Variants in EVI5 observed in about 807,000 individuals in gnomAD.
The protein encoded by EVI5 is ecotropic viral integration site 5, also known as ecotropic viral integration site 5 protein homolog.
In EVI5, 73 loss-of-function variants were observed where a neutral mutation model predicts 112.0. That is an observed-to-expected ratio of 0.65 (90% CI 0.54 to 0.79). The LOEUF is 0.79. Ranked by LOEUF, EVI5 falls within the 30% of genes least tolerant of loss-of-function variation. The pLI, the probability that EVI5 is intolerant of heterozygous loss-of-function variation, is 0.00. For synonymous variants in EVI5, 305 were observed against 319.9 expected, an observed-to-expected ratio of 0.95 and a Z score of 0.50; for missense variants, 900 against 968.8, an observed-to-expected ratio of 0.93 and a Z score of 0.94.
chr1:92,610,451 T>C (rs556769125), intron 16 of EVI5, among the ~76,000 whole-genome samples: 1 of 152,184 alleles, frequency 6.6e-6, no homozygotes, highest in East Asian at 1.9e-4. Context: ...GAACTGACCA[T>C]GAGTGAGAGA....
chr1:92,728,794 G>C (rs567200183), intron 2 of EVI5, among the ~76,000 whole-genome samples: 1 of 152,172 alleles, frequency 6.6e-6, no homozygotes, highest in South Asian at 2.1e-4. Context: ...ATTCTGAGCA[G>C]CACGATGAAA....
chr1:92,710,347 C>T (rs1200383826), intron 2 of EVI5, among the ~76,000 whole-genome samples: 3 of 151,330 alleles, frequency 2.0e-5, no homozygotes, highest in South Asian at 2.1e-4. Flanking sequence ...GATCCTGTCT[C>T]GAAAAAAAAG....
intron 5 of EVI5, among the ~76,000 whole-genome samples, chr1:92,699,764 A>G (rs549472105): frequency 2.0e-4 from 30 of 152,302 alleles, no homozygotes; most frequent in Admixed American, 5.9e-4. Flanking sequence ...ACATAGAAAA[A>G]GCAAAGTAAA....
intron 14 of EVI5, among the ~76,000 whole-genome samples, chr1:92,628,441 A>G (rs911333580): frequency 2.5e-4 from 38 of 152,220 alleles, no homozygotes; most frequent in African/African-American, 8.7e-4. Context: ...GTTATCTTCT[A>G]GAATTTTTAT....
chr1:92,529,377 T>C (rs1662457445), intron 19 of EVI5, among the ~76,000 whole-genome samples: 1 of 152,246 alleles, frequency 6.6e-6, no homozygotes, highest in Non-Finnish European at 1.5e-5. Context: ...TTAGCAGTGA[T>C]TCTTTTAACT....
intron 18 of EVI5, among the ~76,000 whole-genome samples, chr1:92,564,192 G>A (rs1357230532): frequency 6.6e-6 from 1 of 152,032 alleles, no homozygotes; most frequent in Non-Finnish European, 1.5e-5. Flanking sequence ...CTTAATAAAG[G>A]TTGTTTATAA....
chr1:92,539,177 T>C (rs1664366133), intron 19 of EVI5, among the ~76,000 whole-genome samples: 2 of 152,130 alleles, frequency 1.3e-5, no homozygotes, highest in Admixed American at 1.3e-4. Context: ...TCCCCCAATA[T>C]CTCCCACAAG....
chr1:92,671,562 T>A (rs187387076), intron 10 of EVI5, among the ~76,000 whole-genome samples: 262 of 152,290 alleles, frequency 1.7e-3, no homozygotes, highest in African/African-American at 6.0e-3. Flanking sequence ...AGAAGCTAAC[T>A]GGACATCTCC....
intron 19 of EVI5, among the ~76,000 whole-genome samples, chr1:92,560,595 G>T (rs899577417): frequency 6.6e-6 from 1 of 151,974 alleles, no homozygotes; most frequent in Non-Finnish European, 1.5e-5. Flanking sequence ...TGACACCCAG[G>T]CTGGAGTGCA....
intron 18 of EVI5, among the ~76,000 whole-genome samples, chr1:92,602,521 C>G (rs998185658): frequency 6.6e-6 from 1 of 152,118 alleles, no homozygotes; most frequent in African/African-American, 2.4e-5. Context: ...TCCACCTTAG[C>G]CTTCCAAGTA....
At chr1:92,760,961 G>A (rs899051854) in intron 1 of EVI5, among the ~76,000 whole-genome samples, 3 of 151,034 alleles carry the variant, frequency 2.0e-5, no homozygotes, top group African/African-American at 4.9e-5. Flanking sequence ...AGAAGGCTGA[G>A]GCAGGAGAAT....
At chr1:92,651,967 A>C (rs1230505149) in intron 13 of EVI5, among the ~76,000 whole-genome samples, 1 of 152,226 alleles carries the variant, frequency 6.6e-6, no homozygotes, top group African/African-American at 2.4e-5. Flanking sequence ...ACATAAAATT[A>C]CATATGATCC....
intron 18 of EVI5, among the ~76,000 whole-genome samples, chr1:92,578,923 G>A (rs1671513454): frequency 6.6e-6 from 1 of 152,034 alleles, no homozygotes; most frequent in South Asian, 2.1e-4. Context: ...ACATTGCCCA[G>A]GTTGGTCTCA....
chr1:92,648,190 CAAAAAAAAAA>C (rs961901260), intron 13 of EVI5, among the ~76,000 whole-genome samples: 2 of 24,068 alleles, frequency 8.3e-5, no homozygotes, highest in Non-Finnish European at 1.5e-4. Flanking sequence ...ACTAAAAATA[CAAAAAAAAAA>C]AAAAAAAAAA....
chr1:92,640,722 T>C (rs1052567740), intron 13 of EVI5, among the ~76,000 whole-genome samples: 2 of 152,110 alleles, frequency 1.3e-5, no homozygotes, highest in East Asian at 3.8e-4. Context: ...AGCAATACCA[T>C]TACCAGGCAT....
chr1:92,664,285 G>A (rs1339284261), intron 11 of EVI5, among the ~76,000 whole-genome samples: 2 of 152,020 alleles, frequency 1.3e-5, no homozygotes, highest in African/African-American at 2.4e-5. Flanking sequence ...TTTTATTACA[G>A]AATTCAATTG....
chr1:92,726,068 G>A (rs1570610221), intron 2 of EVI5, among the ~76,000 whole-genome samples: 1 of 152,320 alleles, frequency 6.6e-6, no homozygotes, highest in South Asian at 2.1e-4. Context: ...TCAGTGAGCT[G>A]TGGAACAACT....
intron 19 of EVI5, among the ~76,000 whole-genome samples, chr1:92,553,297 A>ATT (rs147973775): frequency 0.033 from 2,417 of 74,090 alleles, 107 homozygotes; most frequent in East Asian, 0.049. Flanking sequence ...CACCTGGCCA[A>ATT]TTTTTTTTTT....
chr1:92,703,650 T>C (rs1464253145), intron 3 of EVI5, 31 bp from the exon 4 acceptor site: 4 of 1,338,416 alleles, frequency 3.0e-6, no homozygotes, highest in Admixed American at 4.2e-5. Flanking sequence ...CAAAAATGAA[T>C]TATTTAAGTG....
Sources: allele counts gnomAD v4.1 joint callset (sites outside exome capture counted in the v4.1 genomes callset), GRCh38; gene constraint gnomAD v4.1.1; transcripts MANE v1.5; gene names NCBI Gene and HGNC (gene_info 2026-07-23, HGNC 2026-07-21).